KIAA1217: variants seen among roughly 807,000 people sequenced by gnomAD.
KIAA1217 encodes sickle tail protein homolog.
KIAA1217 carries 88 observed loss-of-function variants against 163.9 expected under a neutral mutation model. The observed-to-expected ratio is 0.54, with a 90% CI of 0.45 to 0.64. KIAA1217 has a LOEUF of 0.64. Ranked by LOEUF, KIAA1217 falls within the 30% of genes least tolerant of loss-of-function variation. The probability of loss-of-function intolerance (pLI) is 0.00; values close to 1 mark genes in which losing one functional copy is unlikely to be tolerated. For synonymous variants in KIAA1217, 903 were observed against 923.1 expected (o/e 0.98, Z 0.39); for missense variants, 2,372 against 2,475.0 (o/e 0.96, Z 0.88).
intron 1 of KIAA1217, among the ~76,000 whole-genome samples, chr10:23,996,361 A>G (rs10764442): frequency 0.53 from 81,072 of 152,008 alleles, 22,740 homozygotes; most frequent in Middle Eastern, 0.67. Context: ...AAATGGATTT[A>G]TGATATAGGA....
intron 2 of KIAA1217, among the ~76,000 whole-genome samples, chr10:24,169,476 CT>C (rs1449099346): frequency 7.0e-6 from 1 of 142,666 alleles, no homozygotes; most frequent in East Asian, 2.1e-4. Flanking sequence ...TTACCATTGT[CT>C]TCACCACCAG....
chr10:23,974,766 G>C (rs936512401), intron 1 of KIAA1217, among the ~76,000 whole-genome samples: 3 of 152,126 alleles, frequency 2.0e-5, no homozygotes, highest in African/African-American at 7.2e-5. Context: ...TGCTACTGCT[G>C]CTACTATGTG....
chr10:24,529,000 T>C (rs1345651133), intron 14 of KIAA1217, among the ~76,000 whole-genome samples: 1 of 152,210 alleles, frequency 6.6e-6, no homozygotes, highest in East Asian at 1.9e-4. Flanking sequence ...AAGCCACGCG[T>C]CTTATTCTGA....
At chr10:23,773,802 T>G (rs570492470) in intron 1 of KIAA1217, among the ~76,000 whole-genome samples, 8 of 152,268 alleles carry the variant, frequency 5.3e-5, no homozygotes, top group African/African-American at 1.9e-4. Context: ...TTTTTGTACA[T>G]TGATTTTGTA....
At chr10:24,117,049 TG>T (rs55843438) in intron 2 of KIAA1217, among the ~76,000 whole-genome samples, 1,738 of 148,798 alleles carry the variant, frequency 0.012, 33 homozygotes, top group African/African-American at 0.041. Context: ...TTTTTTTGGG[TG>T]GGGGGGGATG....
intron 1 of KIAA1217, among the ~76,000 whole-genome samples, chr10:23,791,107 C>A (rs1200277858): frequency 2.6e-5 from 4 of 152,130 alleles, no homozygotes; most frequent in Non-Finnish European, 4.4e-5. Flanking sequence ...AAAAAAGACT[C>A]TTTTGACATC....
At chr10:23,956,221 G>C (rs1355468810) in intron 1 of KIAA1217, among the ~76,000 whole-genome samples, 2 of 151,934 alleles carry the variant, frequency 1.3e-5, no homozygotes, top group African/African-American at 4.8e-5. Context: ...TAAAAGTCAG[G>C]GTTAAGAGAG....
At chr10:24,363,980 C>CT (rs11413263) in intron 2 of KIAA1217, among the ~76,000 whole-genome samples, 38,066 of 144,474 alleles carry the variant, frequency 0.26, 5,039 homozygotes, top group South Asian at 0.37. Flanking sequence ...GTCTCATCCA[C>CT]TTTTTTTTTT....
rs1589367453 is a variant in KIAA1217 at position 24,066,096 on chromosome 10, A to G, written c.-171+58722A>G. On this transcript the variant is annotated intron_variant, in intron 2 of 18. Coordinates refer to the KIAA1217 transcript ENST00000376462. Reference sequence around the variant, plus strand: ...ACTGATGAGTCTTGACTCTTTATCCAATTTGCCAGTCTGTGCCTTTTAATT... The same window carrying G: ...ACTGATGAGTCTTGACTCTTTATCCGATTTGCCAGTCTGTGCCTTTTAATT... Among the ~76,000 whole-genome samples, 2 of 152,284 alleles carry G rather than the reference A, an allele frequency of 1.3e-5. 1 individual carries two copies. Among genetic ancestry groups the G allele is most frequent in the South Asian group, 4.1e-4 (2 of 4,828 alleles).
chr10:24,354,274 G>A (rs577467635), intron 2 of KIAA1217, among the ~76,000 whole-genome samples: 2 of 152,324 alleles, frequency 1.3e-5, no homozygotes, highest in South Asian at 2.1e-4. Context: ...CTCACAGGAC[G>A]TGAGACAGGG....
chr10:23,724,859 A>G (rs959909162), intron 1 of KIAA1217, among the ~76,000 whole-genome samples: 2 of 152,206 alleles, frequency 1.3e-5, no homozygotes, highest in South Asian at 4.1e-4. Flanking sequence ...AAGACATGCC[A>G]TGTGTAACTC....
intron 5 of KIAA1217, among the ~76,000 whole-genome samples, chr10:24,463,729 A>G (rs1329914540): frequency 6.6e-6 from 1 of 152,258 alleles, no homozygotes; most frequent in African/African-American, 2.4e-5. Flanking sequence ...GCCTTGCCAG[A>G]GCATAAAAAT....
chr10:24,241,666 G>A (rs746965868), intron 2 of KIAA1217, among the ~76,000 whole-genome samples: 30 of 152,154 alleles, frequency 2.0e-4, no homozygotes, highest in Non-Finnish European at 2.8e-4. Context: ...TATTCTAGAC[G>A]TTGGCACTTC....
At chr10:24,446,829 T>C (rs1444203740) in intron 5 of KIAA1217, among the ~76,000 whole-genome samples, 2 of 152,142 alleles carry the variant, frequency 1.3e-5, no homozygotes, top group Admixed American at 6.6e-5. Context: ...TTAAGAGAGG[T>C]CAGTGTGCTT....
intron 1 of KIAA1217, among the ~76,000 whole-genome samples, chr10:23,987,326 G>C (rs1036137180): frequency 2.1e-5 from 3 of 141,518 alleles, no homozygotes; most frequent in Non-Finnish European, 4.5e-5. Context: ...GCAGTGAGCT[G>C]AGATTGCAAC....
chr10:24,529,443 T>C (rs2072762543), intron 14 of KIAA1217, among the ~76,000 whole-genome samples: 1 of 152,176 alleles, frequency 6.6e-6, no homozygotes, highest in African/African-American at 2.4e-5. Context: ...ACATAGTACT[T>C]GGCACAAGGC....
intron 2 of KIAA1217, among the ~76,000 whole-genome samples, chr10:24,019,059 G>A (rs1019028931): frequency 2.6e-5 from 4 of 151,996 alleles, no homozygotes; most frequent in Non-Finnish European, 5.9e-5. Flanking sequence ...GAAGGAGCAG[G>A]GAGATGTCAC....
chr10:24,156,211 T>C (rs986030114), intron 2 of KIAA1217, among the ~76,000 whole-genome samples: 3 of 152,204 alleles, frequency 2.0e-5, no homozygotes, highest in African/African-American at 4.8e-5. Context: ...CTAGAGTAAA[T>C]GGTATCATAC....
chr10:24,137,821 TAAA>T (rs989391495), intron 2 of KIAA1217, among the ~76,000 whole-genome samples: 6 of 152,214 alleles, frequency 3.9e-5, no homozygotes, highest in African/African-American at 1.2e-4. Context: ...GACATCTTAG[TAAA>T]AACACTTCTT....
Sources: gnomAD v4.1 joint callset for allele counts (sites outside exome capture counted in the v4.1 genomes callset) on GRCh38, gnomAD v4.1.1 for gene constraint, MANE v1.5 for transcripts, NCBI Gene and HGNC (gene_info 2026-07-23, HGNC 2026-07-21) for gene names.